Variants in OLFML1 observed in about 807,000 individuals in gnomAD.
OLFML1 encodes the protein olfactomedin-like protein 1.
In OLFML1, 33 loss-of-function variants were observed where a neutral mutation model predicts 37.3. The observed-to-expected ratio is 0.88, with a 90% CI of 0.67 to 1.18. OLFML1 has a LOEUF of 1.18. OLFML1 is among the 50% of genes most tolerant of loss of function. The pLI, the probability that OLFML1 is intolerant of heterozygous loss-of-function variation, is 0.00. For missense variants in OLFML1, 545 were observed against 483.7 expected (o/e 1.13, Z -1.19); for synonymous variants, 186 against 181.3 (o/e 1.03, Z -0.21).
intron 2 of OLFML1, among the ~76,000 whole-genome samples, chr11:7,496,896 T>TA (rs1400185123): frequency 3.3e-5 from 5 of 151,422 alleles, no homozygotes; most frequent in South Asian, 2.1e-4. Context: ...CTATAAAACA[T>TA]AAAAAAAAAT....
intron 2 of OLFML1, among the ~76,000 whole-genome samples, chr11:7,494,161 T>C (rs1848634512): frequency 6.6e-6 from 1 of 152,218 alleles, no homozygotes; most frequent in African/African-American, 2.4e-5. Context: ...TGAAACAGCA[T>C]GTGGCAGCAC....
intron 2 of OLFML1, among the ~76,000 whole-genome samples, chr11:7,502,160 C>T (rs2134183935): frequency 6.6e-6 from 1 of 152,274 alleles, no homozygotes; most frequent in Non-Finnish European, 1.5e-5. Flanking sequence ...AAAAAGAGCA[C>T]TCCAGGCAGA....
At chr11:7,489,718 A>C (rs545678498) in intron 2 of OLFML1, among the ~76,000 whole-genome samples, 1 of 152,286 alleles carries the variant, frequency 6.6e-6, no homozygotes, top group South Asian at 2.1e-4. Flanking sequence ...ATTGGAATCC[A>C]CATGGCTTTC....
intron 2 of OLFML1, among the ~76,000 whole-genome samples, 181 bp from the exon 3 acceptor site, chr11:7,509,217 T>C (rs1848822175): frequency 6.6e-6 from 1 of 152,236 alleles, no homozygotes; most frequent in Admixed American, 6.5e-5. Context: ...GCATTTTCGC[T>C]CTAGGATTTT....
At chr11:7,494,256 A>G (rs1848635620) in intron 2 of OLFML1, among the ~76,000 whole-genome samples, 1 of 152,364 alleles carries the variant, frequency 6.6e-6, no homozygotes. Flanking sequence ...AGAGGTGATG[A>G]AAGAACCAGA....
At chr11:7,495,177 T>A (rs1277212229) in intron 2 of OLFML1, among the ~76,000 whole-genome samples, 1 of 152,098 alleles carries the variant, frequency 6.6e-6, no homozygotes, top group African/African-American at 2.4e-5. Flanking sequence ...CCATCTCTAG[T>A]CTTGATTCCT....
chr11:7,485,824 T>C lies in OLFML1; in HGVS notation c.-52T>C, dbSNP rs1224949791. 13 of 1,594,974 alleles carry C rather than the reference T, an allele frequency of 8.2e-6. No individual in the cohort carries two copies. The East Asian group carries it at 2.7e-4, about 33-fold the overall frequency. On this transcript the variant is annotated 5_prime_UTR_variant, in exon 1 of 3. Transcript: ENST00000329293. ...GAGCACCACCGGAGCCCTTGAGACA[T>C]CCTTGAGAAGAGCCACAGCATAAGA...
At position 7,510,319 on chromosome 11, in the gene OLFML1, T is replaced by C. The variant is rs1350686787; in HGVS notation, c.*131T>C. 9.8e-6 allele frequency: 7 copies of C among 715,054 alleles called. No individual in the cohort carries two copies. The highest frequency in any genetic ancestry group is 5.4e-5 in the African/African-American group (3 of 56,008). The allele number at this position is 715,054 out of a possible 1,614,324, so 44.3% of individuals were successfully genotyped here. A position where few individuals can be genotyped will look rare whatever the true frequency, so the allele number is the denominator to read the frequency against. ...AAGAGTGTGTAGAAGTGGAAATACGTATGCCTCCTTTCCCAAATGTCACTG... is the reference window on the plus strand; with the variant it reads ...AAGAGTGTGTAGAAGTGGAAATACGCATGCCTCCTTTCCCAAATGTCACTG... On this transcript the variant is annotated 3_prime_UTR_variant, in exon 3 of 3. Coordinates refer to ENST00000329293, the MANE Select transcript of OLFML1 (RefSeq NM_198474.4).
intron 2 of OLFML1, among the ~76,000 whole-genome samples, chr11:7,503,950 T>C (rs1590062693): frequency 6.6e-6 from 1 of 152,240 alleles, no homozygotes; most frequent in African/African-American, 2.4e-5. Flanking sequence ...ATGAAACAGA[T>C]AAGACAAAGC....
intron 2 of OLFML1, among the ~76,000 whole-genome samples, chr11:7,490,893 A>G (rs1848587548): frequency 6.6e-6 from 1 of 152,014 alleles, no homozygotes; most frequent in South Asian, 2.1e-4. Flanking sequence ...ACAACACAAA[A>G]TAGATCATAA....
intron 1 of OLFML1, among the ~76,000 whole-genome samples, chr11:7,487,235 G>A (rs187156058): frequency 6.4e-4 from 97 of 152,314 alleles, no homozygotes; most frequent in African/African-American, 1.3e-3. Context: ...AAGCCAAGTC[G>A]CAGGTGGCAG....
At position 7,509,431 on chromosome 11, in the gene OLFML1, T is replaced by C. The variant is rs764381952; in HGVS notation, c.452T>C (p.Leu151Ser). Residue 151 changes from leucine to serine, a missense_variant, in exon 3 of 3, where the codon TTG becomes TCG. Physicochemically the swap from Leu to Ser is moderately radical, Grantham distance 145. Coordinates refer to ENST00000329293, the MANE Select transcript of OLFML1 (RefSeq NM_198474.4). ...AACATGCTGATGGGCATAAAGTCTT[T>C]GAAAATAGTGAAGAAGATGATGGAC... ...CDNMLMGIKS[L>S]KIVKKMMDTH... is the part of the protein sequence containing the mutation. The C allele has an allele frequency of 1.9e-6, 3 of 1,613,186 alleles. No homozygotes were observed. The highest frequency in any genetic ancestry group is 2.2e-5 in the East Asian group (1 of 44,862).
chr11:7,497,777 G>A (rs79144158), intron 2 of OLFML1, among the ~76,000 whole-genome samples: 3,622 of 152,150 alleles, frequency 0.024, 127 homozygotes, highest in African/African-American at 0.082. Flanking sequence ...CCTATGATAC[G>A]GATTTAATAA....
At chr11:7,505,434 T>C (rs551294411) in intron 2 of OLFML1, among the ~76,000 whole-genome samples, 1 of 152,296 alleles carries the variant, frequency 6.6e-6, no homozygotes, top group South Asian at 2.1e-4. Context: ...GGATTTGAGG[T>C]AGACCTGCAA....
At chr11:7,504,996 G>A (rs1848769274) in intron 2 of OLFML1, 1 of 149,702 alleles carries the variant, frequency 6.7e-6, no homozygotes, top group Non-Finnish European at 1.5e-5. Flanking sequence ...GGCACAATCT[G>A]AGCTCACTGC....
intron 2 of OLFML1, among the ~76,000 whole-genome samples, chr11:7,505,803 C>T (rs540369876): frequency 6.6e-6 from 1 of 151,836 alleles, no homozygotes; most frequent in Non-Finnish European, 1.5e-5. Flanking sequence ...TGCACTCTAG[C>T]CTGTCTAATA....
In OLFML1 at chr11:7,504,228, G is replaced by A. The variant is rs150246656; in HGVS notation, c.419-5170G>A. On this transcript the variant is annotated intron_variant, in intron 2 of 2. Coordinates refer to ENST00000329293, the MANE Select transcript of OLFML1 (RefSeq NM_198474.4). ...TGTTTCCAAGCAGAGGGAACGAAAA[G>A]TGCCAAGTCCCCAAGGCAGGAGTGT... Among the ~76,000 whole-genome samples the A allele has an allele frequency of 6.6e-3, 1,005 of 152,210 alleles. 6 individuals are homozygous for A. The highest frequency in any genetic ancestry group is 0.01 in the Non-Finnish European group (698 of 68,018).
At chr11:7,487,313 G>A (rs1033204194) in intron 1 of OLFML1, among the ~76,000 whole-genome samples, 6 of 152,274 alleles carry the variant, frequency 3.9e-5, no homozygotes, top group East Asian at 1.9e-4. Flanking sequence ...AGCCAGTGTC[G>A]GAGGGGTAGG....
At chr11:7,488,077 G>C (rs1263734085) in intron 1 of OLFML1, 50 bp from the exon 2 acceptor site, 1 of 1,306,632 alleles carries the variant, frequency 7.7e-7, no homozygotes, top group Non-Finnish European at 1.1e-6. Flanking sequence ...ATATTATTTG[G>C]GTAATTTAAA....
Sources: allele counts gnomAD v4.1 joint callset (sites outside exome capture counted in the v4.1 genomes callset), GRCh38; gene constraint gnomAD v4.1.1; transcripts MANE v1.5; gene names NCBI Gene and HGNC (gene_info 2026-07-23, HGNC 2026-07-21).